The following EIF3F variants were observed in gnomAD, a reference collection of about 807,000 sequenced individuals.
EIF3F encodes eukaryotic translation initiation factor 3 subunit F, also known as deubiquitinating enzyme eIF3f.
A neutral mutation model predicts 36.0 loss-of-function variants in EIF3F; 8 were observed. That is an observed-to-expected ratio of 0.22 (90% CI 0.13 to 0.40). The LOEUF is 0.40. EIF3F is among the 10% of genes least tolerant of loss of function. EIF3F has a pLI of 1.00. For missense variants in EIF3F, 430 were observed against 467.6 expected (o/e 0.92, Z 0.74); for synonymous variants, 184 against 188.5 (o/e 0.98, Z 0.19).
rs148453570 is a variant in EIF3F at position 7,987,373 on chromosome 11, A to G, written c.21A>G (p.Pro7=). 1.2e-3 allele frequency: 1,908 copies of G among 1,596,814 alleles called. 3 individuals carry two copies. Among genetic ancestry groups the G allele is most frequent in the Non-Finnish European group, 1.3e-3 (1,537 of 1,178,022 alleles). Residue 7 remains proline (P), a synonymous_variant, in exon 1 of 8, where the codon CCA becomes CCG. Coordinates refer to ENST00000651655, the MANE Select transcript of EIF3F (RefSeq NM_003754.3). MATPAV[P]VSAPPATPTP... ...ACAAGATGGCCACACCGGCGGTACCAGTAAGTGCTCCTCCGGCCACGCCAA... is the reference window on the plus strand; with the variant it reads ...ACAAGATGGCCACACCGGCGGTACCGGTAAGTGCTCCTCCGGCCACGCCAA...
chr11:7,995,911 AC>A (rs1345190345), intron 7 of EIF3F, 33 bp from the exon 8 acceptor site: 4 of 1,601,058 alleles, frequency 2.5e-6, no homozygotes, highest in Non-Finnish European at 2.6e-6. Flanking sequence ...TTTCCACCCA[AC>A]CCCCCACTCA....
chr11:7,987,826 C>A, intron 1 of EIF3F, 110 bp downstream of exon 1: 1 of 1,367,960 alleles, frequency 7.3e-7, no homozygotes. Flanking sequence ...TCCTTTCCTC[C>A]CATCCCCAAT....
rs898719084 is a variant in EIF3F at position 7,997,366 on chromosome 11, C to T, written c.*1344C>T. ...TTTTTAAGTATGCATGATAAAATTC[C>T]GAGGTTAATTGCTAGAAGTATATAT... On this transcript the variant is annotated 3_prime_UTR_variant, in exon 8 of 8. Transcript: ENST00000651655. 3 of 151,916 alleles carry T rather than the reference C, an allele frequency of 2.0e-5. No individual in the cohort carries two copies. The highest frequency in any genetic ancestry group is 2.9e-5 in the Non-Finnish European group (2 of 67,996). The allele number at this position is 151,916 out of a possible 1,614,324, so 9.4% of individuals were successfully genotyped here.
At position 8,001,005 on chromosome 11, in the gene EIF3F, A is replaced by C. The variant is rs954947280; in HGVS notation, c.*4983A>C. 6.6e-6 allele frequency: 1 copy of C among 152,210 alleles called. No individual in the cohort carries two copies. Among genetic ancestry groups the C allele is most frequent in the Non-Finnish European group, 1.5e-5 (1 of 68,034 alleles). The allele number at this position is 152,210 out of a possible 1,614,324, so 9.4% of individuals were successfully genotyped here. On this transcript the variant is annotated 3_prime_UTR_variant, in exon 8 of 8. Transcript: ENST00000651655. Reference sequence around the variant, plus strand: ...AGTCAATACAAATATAAAACTGGGAAAATATTTGCAGTTCATATCAAAAAA... The same window carrying C: ...AGTCAATACAAATATAAAACTGGGACAATATTTGCAGTTCATATCAAAAAA...
At position 7,995,887 on chromosome 11, in the gene EIF3F, G is replaced by C; in HGVS notation, c.997-58G>C. The C allele has an allele frequency of 3.4e-6, 5 of 1,492,070 alleles. No individual in the cohort carries two copies. In the South Asian group the frequency reaches 3.4e-5, roughly 10 times the overall value. The allele number at this position is 1,492,070 out of a possible 1,614,324, so 92.4% of individuals were successfully genotyped here. A position where few individuals can be genotyped will look rare whatever the true frequency, so the allele number is the denominator to read the frequency against. ...TCTACCATAGAGCTGGCCAAAGCCA[G>C]CCTTTTTGCTCCCTTTCCACCCAAC... On this transcript the variant is annotated intron_variant, in intron 7 of 7. Coordinates refer to ENST00000651655, the MANE Select transcript of EIF3F (RefSeq NM_003754.3).
At chr11:7,989,829 A>T (rs187390268) in intron 1 of EIF3F, among the ~76,000 whole-genome samples, 49 of 152,366 alleles carry the variant, frequency 3.2e-4, no homozygotes, top group Admixed American at 3.1e-3. Flanking sequence ...TGTCTGAAAC[A>T]TTCAGTATTA....
chr11:7,995,795 T>G (rs974876429), intron 7 of EIF3F, 150 bp from the exon 8 acceptor site: 18 of 713,868 alleles, frequency 2.5e-5, no homozygotes, highest in Middle Eastern at 4.9e-4. Flanking sequence ...TTCTGTCTTC[T>G]ACCTTTTTGA....
At chr11:7,994,890 C>T (rs1589906807) in intron 5 of EIF3F, 92 bp from the exon 6 acceptor site, 18 of 1,544,858 alleles carry the variant, frequency 1.2e-5, no homozygotes, top group Middle Eastern at 2.4e-4. Context: ...GTTAGTAGGA[C>T]GTTAAGACCA....
chr11:7,988,944 T>G (rs1319970906), intron 1 of EIF3F, among the ~76,000 whole-genome samples: 2 of 152,244 alleles, frequency 1.3e-5, no homozygotes, highest in South Asian at 2.1e-4. Flanking sequence ...TATCTATCTT[T>G]GACGGTATAG....
At chr11:7,987,953 AAGG>A (rs1464801952) in intron 1 of EIF3F, 1 of 478,772 alleles carries the variant, frequency 2.1e-6, no homozygotes, top group African/African-American at 2.0e-5. Flanking sequence ...TAAAATACAC[AAGG>A]AGTAGTTGTG....
In EIF3F at chr11:8,000,758, T is replaced by A. The variant is rs1341738954; in HGVS notation, c.*4736T>A. 1.3e-5 allele frequency: 2 copies of A among 152,194 alleles called. No individual in the cohort carries two copies. The highest frequency in any genetic ancestry group is 4.8e-5 in the African/African-American group (2 of 41,446). The allele number at this position is 152,194 out of a possible 1,614,324, so 9.4% of individuals were successfully genotyped here. A position where few individuals can be genotyped will look rare whatever the true frequency, so the allele number is the denominator to read the frequency against. Reference sequence around the variant, plus strand: ...TGGTAATTTGGAAACAATGTTGGATTCCTACTTCGTTACCTGCACCAAAAT... The same window carrying A: ...TGGTAATTTGGAAACAATGTTGGATACCTACTTCGTTACCTGCACCAAAAT... On this transcript the variant is annotated 3_prime_UTR_variant, in exon 8 of 8. Transcript: ENST00000651655.
intron 7 of EIF3F, chr11:7,995,608 T>C (rs767981329): frequency 1.7e-6 from 1 of 588,378 alleles, no homozygotes; most frequent in Non-Finnish European, 3.0e-6. Flanking sequence ...TGTGACTTAC[T>C]GTCTAAATTC....
rs1942194416 is a variant in EIF3F at position 7,999,291 on chromosome 11, G to A, written c.*3269G>A. ...AAGAAAAAAAGTGAAAAGGAGGAGG[G>A]TTTTTAAAAAATTAGTACTACCCAG... On this transcript the variant is annotated 3_prime_UTR_variant, in exon 8 of 8. Coordinates refer to ENST00000651655, the MANE Select transcript of EIF3F (RefSeq NM_003754.3). 6.6e-6 allele frequency: 1 copy of A among 151,930 alleles called. No individual in the cohort carries two copies. Among genetic ancestry groups the A allele is most frequent in the South Asian group, 2.1e-4 (1 of 4,822 alleles). The allele number at this position is 151,930 out of a possible 1,614,324, so 9.4% of individuals were successfully genotyped here.
intron 7 of EIF3F, 148 bp downstream of exon 7, chr11:7,995,515 G>A: frequency 1.4e-6 from 1 of 708,066 alleles, no homozygotes. Context: ...CAGGTTGGGA[G>A]GAAGGAAGAG....
In EIF3F at chr11:7,995,350, C is replaced by T; in HGVS notation, c.979C>T (p.Leu327Phe). 2 of 1,614,042 alleles carry T rather than the reference C, an allele frequency of 1.2e-6. No individual in the cohort carries two copies. The highest frequency in any genetic ancestry group is 1.7e-6 in the Non-Finnish European group (2 of 1,179,914). ...KIVPDDFETM[L>F]NSNINDLLMV... Reference sequence around the variant, plus strand: ...AGTTCCCGATGACTTTGAGACCATGCTCAACAGCAACATCAATGTGAGTGC... The same window carrying T: ...AGTTCCCGATGACTTTGAGACCATGTTCAACAGCAACATCAATGTGAGTGC... Residue 327 changes from leucine (L) to phenylalanine (F), a missense_variant, in exon 7 of 8, where the codon CTC becomes TTC. Physicochemically the swap from Leu to Phe is conservative, Grantham distance 22. This residue lies in a region of EIF3F where 262 missense variants were observed against 347.4 expected (regional missense o/e 0.75). Transcript: ENST00000651655.
At chr11:7,993,701 C>A (rs970279349) in intron 4 of EIF3F, among the ~76,000 whole-genome samples, 5 of 152,148 alleles carry the variant, frequency 3.3e-5, no homozygotes, top group Admixed American at 3.3e-4. Context: ...AGCCAGTTAA[C>A]TCTTACACAG....
At position 7,987,395 on chromosome 11, in the gene EIF3F, C is replaced by T. The variant is rs1452923914; in HGVS notation, c.43C>T (p.Pro15Ser). The change falls in exon 1 of 8, where the codon CCA becomes TCA. Residue 15 changes from proline (P) to serine (S), a missense_variant. By Grantham distance (74) the Pro-to-Ser change is moderately conservative. Around this residue, in one of 2 missense-constraint regions of EIF3F, gnomAD observed 168 missense variants for 120.2 expected, o/e 1.40. Coordinates refer to ENST00000651655, the MANE Select transcript of EIF3F (RefSeq NM_003754.3). ...ACCAGTAAGTGCTCCTCCGGCCACG[C>T]CAACCCCAGTCCCGGCGGCGGCCCC... ...AVPVSAPPAT[P>S]TPVPAAAPAS... 2 of 1,600,058 alleles carry T rather than the reference C, an allele frequency of 1.2e-6. No individual in the cohort carries two copies. Among genetic ancestry groups the T allele is most frequent in the African/African-American group, 1.3e-5 (1 of 75,006 alleles).
chr11:7,991,882 GT>G, intron 2 of EIF3F, 31 bp downstream of exon 2: 11 of 1,613,022 alleles, frequency 6.8e-6, no homozygotes, highest in Non-Finnish European at 9.3e-6. Flanking sequence ...TCCCTCTGCA[GT>G]TTTTAGCTGT....
At position 7,994,471 on chromosome 11, in the gene EIF3F, G is replaced by A. The variant is rs758431097; in HGVS notation, c.699G>A (p.Thr233=). Residue 233 remains threonine (T), a synonymous_variant, in exon 5 of 8, where the codon ACG becomes ACA. Coordinates refer to ENST00000651655, the MANE Select transcript of EIF3F (RefSeq NM_003754.3). ...VPGRTMGVMF[T]PLTVKYAYYD... ...GGAGGACCATGGGAGTGATGTTCAC[G>A]CCTCTGACAGTGAAATACGCGTACT... 1.7e-5 allele frequency: 28 copies of A among 1,614,048 alleles called. No homozygotes were observed. Among genetic ancestry groups the A allele is most frequent in the South Asian group, 1.2e-4 (11 of 91,052 alleles).
Sources: gnomAD v4.1 joint callset for allele counts (sites outside exome capture counted in the v4.1 genomes callset) on GRCh38, gnomAD v4.1.1 for gene constraint, gnomAD v4.1.1 regional missense constraint, MANE v1.5 for transcripts, NCBI Gene and HGNC (gene_info 2026-07-23, HGNC 2026-07-21) for gene names.